YWHAZ: variants seen among roughly 807,000 people sequenced by gnomAD.
YWHAZ encodes the protein 14-3-3 protein zeta/delta.
For synonymous variants in YWHAZ, 87 were observed against 103.6 expected, an observed-to-expected ratio of 0.84 and a Z score of 0.97; for missense variants, 79 against 284.8, an observed-to-expected ratio of 0.28 and a Z score of 5.20.
At chr8:100,940,460 T>C (rs556415172) in intron 2 of YWHAZ, among the ~76,000 whole-genome samples, 1 of 152,380 alleles carries the variant, frequency 6.6e-6, no homozygotes, top group Admixed American at 6.5e-5. Flanking sequence ...TTGACTTGTA[T>C]TATTTGTGCA....
At chr8:100,920,785 T>C in intron 5 of YWHAZ, 33 bp from the exon 6 acceptor site, 1 of 547,840 alleles carries the variant, frequency 1.8e-6, no homozygotes, top group Non-Finnish European at 2.6e-6. Flanking sequence ...TTCAGCAAGT[T>C]TCAGTGGGAT....
At chr8:100,952,632 TC>T, upstream of YWHAZ, 1 of 324,306 alleles carries the variant, frequency 3.1e-6, no homozygotes, top group Non-Finnish European at 4.4e-6. Flanking sequence ...CCCAGGGCCG[TC>T]CCCGGGCAGG....
rs1382179782 is a variant in YWHAZ, at chr8:100,920,332, C to T, written c.*361G>A. 4 of 217,840 alleles carry T rather than the reference C, an allele frequency of 1.8e-5. No individual in the cohort carries two copies. The highest frequency in any genetic ancestry group is 3.7e-5 in the Non-Finnish European group (4 of 109,302). The allele number at this position is 217,840 out of a possible 1,614,324, so 13.5% of individuals were successfully genotyped here. The stretch of plus-strand genomic sequence containing the variant: ...GGAACCAATGATCCCTTTTATTCCC[C>T]GCCAGGACAAACCAGTATGTAGGCA... On this transcript the variant is annotated 3_prime_UTR_variant, in exon 6 of 6. Transcript: ENST00000395958.
intron 1 of YWHAZ, among the ~76,000 whole-genome samples, chr8:100,949,664 T>C (rs1810563505): frequency 6.6e-6 from 1 of 152,178 alleles, no homozygotes; most frequent in Non-Finnish European, 1.5e-5. Context: ...ATATATCACA[T>C]TGGAAGTACT....
chr8:100,933,487 C>A (rs1813902221), intron 2 of YWHAZ, among the ~76,000 whole-genome samples: 1 of 152,082 alleles, frequency 6.6e-6, no homozygotes, highest in African/African-American at 2.4e-5. Context: ...TGTTGTACAC[C>A]TTAAATATAT....
intron 2 of YWHAZ, among the ~76,000 whole-genome samples, chr8:100,947,523 T>A (rs1810390408): frequency 6.6e-6 from 1 of 152,186 alleles, no homozygotes; most frequent in Non-Finnish European, 1.5e-5. Flanking sequence ...CAAGTAAGTA[T>A]CATTTGAGAA....
chr8:100,921,934 C>T (rs572233123), intron 5 of YWHAZ, among the ~76,000 whole-genome samples: 1 of 152,274 alleles, frequency 6.6e-6, no homozygotes, highest in South Asian at 2.1e-4. Flanking sequence ...GGAAAATACA[C>T]TAATTATTAT....
At chr8:100,929,373 T>C (rs1813602061) in intron 2 of YWHAZ, among the ~76,000 whole-genome samples, 1 of 152,162 alleles carries the variant, frequency 6.6e-6, no homozygotes, top group Non-Finnish European at 1.5e-5. Context: ...CTAACTTTTG[T>C]ATCTTTAGTA....
intron 2 of YWHAZ, among the ~76,000 whole-genome samples, chr8:100,927,395 AC>A (rs1813437770): frequency 6.6e-6 from 1 of 152,022 alleles, no homozygotes; most frequent in African/African-American, 2.4e-5. Flanking sequence ...GTGGTGGCAC[AC>A]CCCTATAGTC....
In YWHAZ at chr8:100,918,647, A is replaced by G. The variant is rs1486533150; in HGVS notation, c.*2046T>C. The stretch of plus-strand genomic sequence containing the variant: ...AAAAGGGCCAATATTTCCCAATTTA[A>G]TCTGAGGTCATAATAAAACAAGCAA... On this transcript the variant is annotated 3_prime_UTR_variant, in exon 6 of 6. Coordinates refer to ENST00000395958, the MANE Select transcript of YWHAZ (RefSeq NM_145690.3). 1 of 151,508 alleles carries G rather than the reference A, an allele frequency of 6.6e-6. No homozygotes were observed. Among genetic ancestry groups the G allele is most frequent in the Non-Finnish European group, 1.5e-5 (1 of 67,800 alleles). 9.4% of individuals were successfully genotyped at this position (151,508 alleles called of 1,614,324 possible).
intron 2 of YWHAZ, among the ~76,000 whole-genome samples, chr8:100,940,435 A>G (rs1482500930): frequency 2.0e-5 from 3 of 152,232 alleles, no homozygotes; most frequent in Non-Finnish European, 4.4e-5. Flanking sequence ...ATGAATTTGC[A>G]GTACTTTTCC....
chr8:100,951,992 G>A lies in YWHAZ; in HGVS notation c.-75C>T, dbSNP rs1007453575. On this transcript the variant is annotated 5_prime_UTR_variant, in exon 1 of 6. Coordinates refer to ENST00000395958, the MANE Select transcript of YWHAZ (RefSeq NM_145690.3). ...TCAGCAGTCTCTGGGCGGCGGCGGC[G>A]GCAGCAGCGGCGAGGCTGAGACTCT... is the stretch of plus-strand genomic sequence containing the variant. 15 of 1,001,444 alleles carry A rather than the reference G, an allele frequency of 1.5e-5. No homozygotes were observed. Among genetic ancestry groups the A allele is most frequent in the Non-Finnish European group, 1.8e-5 (15 of 840,694 alleles). The allele number at this position is 1,001,444 out of a possible 1,614,324, so 62.0% of individuals were successfully genotyped here.
chr8:100,951,802 C>G (rs758855998), intron 1 of YWHAZ, 127 bp downstream of exon 1: 295 of 985,428 alleles, frequency 3.0e-4, no homozygotes, highest in Non-Finnish European at 3.5e-4. Context: ...GAGGAGACTC[C>G]GCCTCAGCCC....
chr8:100,928,558 C>T (rs901684315), intron 2 of YWHAZ, among the ~76,000 whole-genome samples: 1 of 151,932 alleles, frequency 6.6e-6, no homozygotes, highest in Non-Finnish European at 1.5e-5. Context: ...ACGGTAAAAC[C>T]TCGTCTCTAC....
intron 1 of YWHAZ, among the ~76,000 whole-genome samples, chr8:100,950,734 C>T (rs1174850374): frequency 6.6e-6 from 1 of 151,184 alleles, no homozygotes; most frequent in African/African-American, 2.4e-5. Context: ...AGAAGCGGAA[C>T]CACTACCAGC....
At chr8:100,949,351 C>T (rs754545299) in intron 1 of YWHAZ, among the ~76,000 whole-genome samples, 3 of 152,134 alleles carry the variant, frequency 2.0e-5, no homozygotes, top group Admixed American at 6.5e-5. Flanking sequence ...TAATTCATAT[C>T]AGTTTAATGT....
At position 100,924,793 on chromosome 8, in the gene YWHAZ, G is replaced by A. The variant is rs1404000781; in HGVS notation, c.418+123C>T. On this transcript the variant is annotated intron_variant, in intron 3 of 5. Transcript: ENST00000395958. This position sits in a 1 kb window ranked among gnomAD's most constrained non-coding sequence, Gnocchi z 5.7. ...GATGTGTATTCTCAGAACACAAAGA[G>A]CACTGCTACTCCTTATTCGGCACTC... 7 of 1,212,314 alleles carry A rather than the reference G, an allele frequency of 5.8e-6. No individual in the cohort carries two copies. In the East Asian group the frequency reaches 1.2e-4, roughly 21 times the overall value. 75.1% of individuals were successfully genotyped at this position (1,212,314 alleles called of 1,614,324 possible).
At chr8:100,931,293 T>C (rs1813744682) in intron 2 of YWHAZ, among the ~76,000 whole-genome samples, 1 of 152,214 alleles carries the variant, frequency 6.6e-6, no homozygotes, top group Non-Finnish European at 1.5e-5. Flanking sequence ...GATCCCTTCT[T>C]GGCATAGACT....
intron 2 of YWHAZ, among the ~76,000 whole-genome samples, chr8:100,938,130 C>A (rs1337202385): frequency 6.6e-6 from 1 of 152,072 alleles, no homozygotes; most frequent in African/African-American, 2.4e-5. Context: ...AACTCCATCT[C>A]AAACAACAAA....
Sources: allele counts gnomAD v4.1 joint callset (sites outside exome capture counted in the v4.1 genomes callset), GRCh38; gene constraint gnomAD v4.1.1; non-coding constraint Gnocchi (gnomAD v3.1); transcripts MANE v1.5; gene names NCBI Gene and HGNC (gene_info 2026-07-23, HGNC 2026-07-21).